Variants in CACNA1E observed in about 807,000 individuals in gnomAD.
The protein encoded by CACNA1E is calcium voltage-gated channel subunit alpha1 E.
CACNA1E carries 40 observed loss-of-function variants against 259.2 expected under a neutral mutation model. The ratio of observed to expected loss-of-function variants is 0.15; its 90% CI spans 0.12 to 0.20. The LOEUF is 0.20. CACNA1E is among the 10% of genes least tolerant of loss of function. The probability of loss-of-function intolerance (pLI) is 1.00; values close to 1 mark genes in which losing one functional copy is unlikely to be tolerated. For synonymous variants in CACNA1E, 1,104 were observed against 1,138.5 expected, an observed-to-expected ratio of 0.97 and a Z score of 0.61; for missense variants, 1,874 against 3,040.1, an observed-to-expected ratio of 0.62 and a Z score of 9.02.
chr1:181,575,268 A>C (rs1650856927), intron 3 of CACNA1E, among the ~76,000 whole-genome samples: 1 of 152,158 alleles, frequency 6.6e-6, no homozygotes, highest in Non-Finnish European at 1.5e-5. Context: ...TGTGGTTGGG[A>C]GAATTTGGGG....
At position 181,732,882 on chromosome 1, in the gene CACNA1E, G is replaced by A; in HGVS notation, c.2796G>A (p.Glu932=). 2 of 1,614,018 alleles carry A rather than the reference G, an allele frequency of 1.2e-6. No individual in the cohort carries two copies. Reference sequence around the variant, plus strand: ...GCCGCGTCAGGACAGAAGGCAAGGAGTCCTCTTCAGCCTCCCGGAGCAGGT... The same window carrying A: ...GCCGCGTCAGGACAGAAGGCAAGGAATCCTCTTCAGCCTCCCGGAGCAGGT... ...RHRRVRTEGK[E]SSSASRSRSA... The change falls in exon 20 of 48, where the codon GAG becomes GAA. Residue 932 remains glutamate, a synonymous_variant. Transcript: ENST00000367573. The surrounding 1 kb of genome is among the most constrained non-coding windows in gnomAD (Gnocchi z 5.5).
intron 8 of CACNA1E, among the ~76,000 whole-genome samples, 154 bp downstream of exon 8, chr1:181,711,223 C>T (rs1012456016): frequency 7.2e-5 from 11 of 152,180 alleles, no homozygotes; most frequent in African/African-American, 1.4e-4. Context: ...CCTGCTCATC[C>T]GACTTTCTTC....
chr1:181,523,483 A>G (rs1667135732), intron 3 of CACNA1E, among the ~76,000 whole-genome samples: 2 of 152,196 alleles, frequency 1.3e-5, no homozygotes. Flanking sequence ...TTTGGGCTTC[A>G]TAGACAAGCA....
chr1:181,428,188 T>C (rs933015943), intron 2 of CACNA1E, among the ~76,000 whole-genome samples: 1 of 152,178 alleles, frequency 6.6e-6, no homozygotes, highest in African/African-American at 2.4e-5. Context: ...ACACCCCTCC[T>C]CAGCATCTCA....
At chr1:181,560,842 T>C (rs1478886559) in intron 3 of CACNA1E, among the ~76,000 whole-genome samples, 1 of 152,214 alleles carries the variant, frequency 6.6e-6, no homozygotes, top group African/African-American at 2.4e-5. Flanking sequence ...AACCCAAGTG[T>C]TCACTGATGG....
upstream of CACNA1E, among the ~76,000 whole-genome samples, chr1:181,482,670 C>T (rs531912048): frequency 6.6e-6 from 1 of 152,398 alleles, no homozygotes; most frequent in East Asian, 1.9e-4. Flanking sequence ...TCTCCTTCCG[C>T]ATCTTCTCCA....
chr1:181,647,340 A>G (rs554634200), intron 6 of CACNA1E, among the ~76,000 whole-genome samples: 8 of 152,280 alleles, frequency 5.3e-5, no homozygotes, highest in African/African-American at 1.9e-4. Context: ...CTGAAGGAAG[A>G]GTCTCTGGGG....
intron 7 of CACNA1E, among the ~76,000 whole-genome samples, chr1:181,697,133 G>T (rs1651786837): frequency 6.6e-6 from 1 of 152,130 alleles, no homozygotes; most frequent in African/African-American, 2.4e-5. Flanking sequence ...TACAGAAGGG[G>T]AAAAATAGGA....
chr1:181,569,637 C>A (rs1044721541), intron 3 of CACNA1E, among the ~76,000 whole-genome samples: 2 of 152,168 alleles, frequency 1.3e-5, no homozygotes, highest in Non-Finnish European at 2.9e-5. Context: ...TGGCTACACC[C>A]CCTTTAATTT....
At chr1:181,548,859 C>T (rs538711860) in intron 3 of CACNA1E, among the ~76,000 whole-genome samples, 1 of 152,336 alleles carries the variant, frequency 6.6e-6, no homozygotes, top group East Asian at 1.9e-4. Flanking sequence ...GCCTCTTCCT[C>T]TATCAGCCCA....
intron 1 of CACNA1E, among the ~76,000 whole-genome samples, chr1:181,361,312 G>A (rs767748807): frequency 2.6e-5 from 4 of 152,016 alleles, no homozygotes; most frequent in Non-Finnish European, 2.9e-5. Flanking sequence ...AAATATGGAG[G>A]TGGGCTTGGA....
intron 6 of CACNA1E, among the ~76,000 whole-genome samples, chr1:181,630,387 CCCCCA>C (rs1277162957): frequency 6.7e-6 from 1 of 149,202 alleles, no homozygotes; most frequent in Non-Finnish European, 1.5e-5. Flanking sequence ...TTAACATGCC[CCCCCA>C]CCCCGCCTTA....
chr1:181,345,635 C>G (rs1272881548), intron 1 of CACNA1E, among the ~76,000 whole-genome samples: 1 of 152,190 alleles, frequency 6.6e-6, no homozygotes, highest in Non-Finnish European at 1.5e-5. Context: ...CAAGTTTGGG[C>G]TTCTCAGTGG....
At chr1:181,606,706 C>T (rs963761734) in intron 6 of CACNA1E, among the ~76,000 whole-genome samples, 9 of 152,214 alleles carry the variant, frequency 5.9e-5, no homozygotes, top group African/African-American at 2.2e-4. Context: ...GACGAGTGGC[C>T]TCTGCCAGCC....
rs552080316 is a variant in CACNA1E at position 181,328,282 on chromosome 1, G to C, written c.-15+10159G>C. Among the ~76,000 whole-genome samples the C allele has an allele frequency of 4.6e-5, 7 of 152,230 alleles. No individual in the cohort carries two copies. The South Asian group carries it at 1.5e-3, about 32-fold the overall frequency. On this transcript the variant is annotated intron_variant, in intron 1 of 11. Transcript: ENST00000524607. ...TAAGGAGCTCTCTGGGGCCTCTTTT[G>C]TAAGGGCACTAATCCCATTCATGAG...
At chr1:181,359,411 A>G (rs1021931157) in intron 1 of CACNA1E, among the ~76,000 whole-genome samples, 9 of 152,214 alleles carry the variant, frequency 5.9e-5, no homozygotes, top group African/African-American at 2.2e-4. Flanking sequence ...GTGAGAAGGC[A>G]GAAAAAAACA....
At chr1:181,364,855 G>A (rs1654151052) in intron 1 of CACNA1E, among the ~76,000 whole-genome samples, 1 of 152,156 alleles carries the variant, frequency 6.6e-6, no homozygotes, top group African/African-American at 2.4e-5. Flanking sequence ...GGAAAGCCAG[G>A]TGCTTTGATA....
At chr1:181,572,617 A>C (rs767290056) in intron 3 of CACNA1E, among the ~76,000 whole-genome samples, 1 of 152,138 alleles carries the variant, frequency 6.6e-6, no homozygotes, top group Admixed American at 6.5e-5. Flanking sequence ...TGACAAAACA[A>C]ATGGAAAACA....
At position 181,737,420 on chromosome 1, in the gene CACNA1E, G is replaced by A. The variant is rs185163670; in HGVS notation, c.3423-105G>A. Reference sequence around the variant, plus strand: ...TCTCCCTGGCGGCTTCCTTTGGCAAGGGCCTGGCTGTCTGGAAGGGGCCAA... The same window carrying A: ...TCTCCCTGGCGGCTTCCTTTGGCAAAGGCCTGGCTGTCTGGAAGGGGCCAA... On this transcript the variant is annotated intron_variant, in intron 22 of 47. Coordinates refer to ENST00000367573, the MANE Select transcript of CACNA1E (RefSeq NM_001205293.3). 2.1e-5 allele frequency: 29 copies of A among 1,355,068 alleles called. No individual in the cohort carries two copies. The Middle Eastern group carries it at 7.1e-4, about 33-fold the overall frequency. 83.9% of individuals were successfully genotyped at this position (1,355,068 alleles called of 1,614,324 possible).
Sources: gnomAD v4.1 joint callset for allele counts (sites outside exome capture counted in the v4.1 genomes callset) on GRCh38, gnomAD v4.1.1 for gene constraint, Gnocchi (gnomAD v3.1) non-coding constraint, MANE v1.5 for transcripts, NCBI Gene and HGNC (gene_info 2026-07-23, HGNC 2026-07-21) for gene names.